The following ANK2 variants were observed in gnomAD, a reference collection of about 807,000 sequenced individuals.
ANK2 encodes ankyrin 2, also known as ankyrin-2.
Under a neutral mutation model 360.5 loss-of-function variants are expected in ANK2, and 83 were observed. That is an observed-to-expected ratio of 0.23 (90% CI 0.19 to 0.28). The LOEUF is 0.28. ANK2 is among the 10% of genes least tolerant of loss of function. ANK2 has a pLI of 1.00. For synonymous variants in ANK2, 1,740 were observed against 1,759.5 expected (o/e 0.99, Z 0.28); for missense variants, 4,201 against 4,795.7 (o/e 0.88, Z 3.66).
intron 1 of ANK2, among the ~76,000 whole-genome samples, chr4:112,867,526 A>G (rs1399442911): frequency 6.6e-6 from 1 of 152,058 alleles, no homozygotes; most frequent in East Asian, 1.9e-4. Context: ...CATCATGCTA[A>G]AAAGAAACTC....
At chr4:113,257,908 T>C in intron 11 of ANK2, 142 bp from the exon 12 acceptor site, 1 of 854,972 alleles carries the variant, frequency 1.2e-6, no homozygotes, top group Non-Finnish European at 1.9e-6. Flanking sequence ...CATTTTTCTT[T>C]CCAAATTCCA....
Position 113,335,897 on chromosome 4 carries a change from C to T in ANK2, c.3431C>T (p.Thr1144Ile), listed in dbSNP as rs2093465256. The T allele has an allele frequency of 6.2e-7, 1 of 1,614,200 alleles. No homozygotes were observed. The highest frequency in any genetic ancestry group is 8.5e-7 in the Non-Finnish European group (1 of 1,180,036). Reference protein sequence around the residue: ...LEKKRICRIITRDFPQYFAVV... With the variant: ...LEKKRICRIIIRDFPQYFAVV... ...AAGAAACGAATCTGCCGCATCATCA[C>T]CCGAGACTTCCCACAGTACTTTGCA... Residue 1144 changes from threonine (T) to isoleucine (I), a missense_variant, in exon 30 of 46, where the codon ACC becomes ATC. Transcript: ENST00000357077.
rs761631834 is a variant in ANK2 at position 113,358,993 on chromosome 4, C to T, written c.10375C>T (p.Pro3459Ser). The T allele has an allele frequency of 2.9e-5, 47 of 1,613,880 alleles. No individual in the cohort carries two copies. Among genetic ancestry groups the T allele is most frequent in the Non-Finnish European group, 3.9e-5 (46 of 1,179,962 alleles). ...ATCTTCCTGCAGGGGGGGCACGAGC[C>T]CCACAAAAGAAAGTAAGGAGCATTT... ...TTSSCRGGTS[P>S]TKESKEHFFD... Residue 3459 changes from proline to serine, a missense_variant, in exon 38 of 46, where the codon CCC becomes TCC. Transcript: ENST00000357077.
At chr4:113,255,957 A>G in intron 11 of ANK2, 25 bp downstream of exon 11, 1 of 1,608,540 alleles carries the variant, frequency 6.2e-7, no homozygotes, top group Non-Finnish European at 8.5e-7. Flanking sequence ...GTCCACATTA[A>G]CTGAATACAG....
intron 4 of ANK2, among the ~76,000 whole-genome samples, chr4:113,230,613 G>A (rs2099280031): frequency 6.6e-6 from 1 of 152,158 alleles, no homozygotes; most frequent in Non-Finnish European, 1.5e-5. Context: ...GAAAGCTTAA[G>A]GAATCATCTA....
chr4:113,155,854 G>A (rs760815580), intron 1 of ANK2, among the ~76,000 whole-genome samples: 3 of 152,162 alleles, frequency 2.0e-5, no homozygotes, highest in Non-Finnish European at 2.9e-5. Context: ...ATAAATATAT[G>A]ACTAAGTTTT....
intron 2 of ANK2, among the ~76,000 whole-genome samples, chr4:113,188,304 GTCC>G (rs2098579421): frequency 6.6e-6 from 1 of 152,130 alleles, no homozygotes. Context: ...ATAATTTATA[GTCC>G]TATGGGACAC....
chr4:112,840,254 G>A (rs2061819266), intron 1 of ANK2, among the ~76,000 whole-genome samples: 1 of 152,152 alleles, frequency 6.6e-6, no homozygotes, highest in African/African-American at 2.4e-5. Context: ...TGACTCTTAT[G>A]CACTGGCCCA....
chr4:112,769,285 T>G, the ANK2 span, among the ~76,000 whole-genome samples: 1 of 152,200 alleles, frequency 6.6e-6, no homozygotes, highest in African/African-American at 2.4e-5. Context: ...CTTTTTCAAG[T>G]TGCTGCTTTC....
chr4:113,220,431 A>G (rs1374912595), intron 4 of ANK2, among the ~76,000 whole-genome samples: 1 of 152,242 alleles, frequency 6.6e-6, no homozygotes, highest in Non-Finnish European at 1.5e-5. Context: ...GTAGGCACCT[A>G]CAAATACCCA....
At position 113,190,649 on chromosome 4, in the gene ANK2, C is replaced by T. The variant is rs144292863; in HGVS notation, c.187-5719C>T. ...GCAGAGGCCATTGGTTTTTGTGTTA[C>T]GGAGGCCAGGGAGGTGAAAAGGGGA... is the stretch of plus-strand genomic sequence containing the variant. On this transcript the variant is annotated intron_variant, in intron 2 of 45. Transcript: ENST00000357077. Among the ~76,000 whole-genome samples, 1,071 of 151,940 alleles carry T rather than the reference C, an allele frequency of 7.0e-3. 16 individuals are homozygous for T. Among genetic ancestry groups the T allele is most frequent in the African/African-American group, 0.024 (1,015 of 41,446 alleles).
At chr4:113,381,411 C>T in intron 45 of ANK2, 46 bp from the exon 46 acceptor site, 3 of 1,609,930 alleles carry the variant, frequency 1.9e-6, no homozygotes, top group Non-Finnish European at 2.6e-6. Context: ...CAGCTGCCCT[C>T]TGGCAGTGAA....
At chr4:113,094,661 G>A (rs1224930163) in intron 1 of ANK2, among the ~76,000 whole-genome samples, 1 of 152,002 alleles carries the variant, frequency 6.6e-6, no homozygotes, top group Non-Finnish European at 1.5e-5. Flanking sequence ...ATTTAGTGTG[G>A]GGTACAATTT....
chr4:112,785,730 G>A, the ANK2 span, among the ~76,000 whole-genome samples: 1,616 of 151,626 alleles, frequency 0.011, 14 homozygotes, highest in Non-Finnish European at 0.017. Flanking sequence ...TGTAGTGGGC[G>A]CGATCATAGC....
intron 17 of ANK2, among the ~76,000 whole-genome samples, chr4:113,279,022 G>A (rs561653509): frequency 1.5e-4 from 22 of 151,704 alleles, no homozygotes; most frequent in African/African-American, 5.3e-4. Context: ...ATCCCTCTAA[G>A]TCCCTAGATT....
chr4:112,864,239 G>A (rs1280452486), intron 1 of ANK2, among the ~76,000 whole-genome samples: 1 of 152,208 alleles, frequency 6.6e-6, no homozygotes, highest in African/African-American at 2.4e-5. Flanking sequence ...GATTCTCAGT[G>A]CCATCTCTTA....
intron 1 of ANK2, among the ~76,000 whole-genome samples, chr4:112,857,924 G>A (rs2066857950): frequency 6.6e-6 from 1 of 152,078 alleles, no homozygotes; most frequent in African/African-American, 2.4e-5. Flanking sequence ...CTGGTCCTAG[G>A]ACCATACTTT....
At chr4:113,082,549 A>G (rs2082836113) in intron 1 of ANK2, among the ~76,000 whole-genome samples, 1 of 152,228 alleles carries the variant, frequency 6.6e-6, no homozygotes, top group South Asian at 2.1e-4. Context: ...GAAATGCATA[A>G]TTACTAAAAC....
chr4:113,352,327 G>T (rs2095462595), intron 37 of ANK2, among the ~76,000 whole-genome samples: 1 of 151,894 alleles, frequency 6.6e-6, no homozygotes, highest in South Asian at 2.1e-4. Context: ...TCCCTCCTTG[G>T]TCTGTCCATT....
Sources: allele counts gnomAD v4.1 joint callset (sites outside exome capture counted in the v4.1 genomes callset), GRCh38; gene constraint gnomAD v4.1.1; transcripts MANE v1.5; gene names NCBI Gene and HGNC (gene_info 2026-07-23, HGNC 2026-07-21).